STMND1: variants seen among roughly 807,000 people sequenced by gnomAD.
STMND1 encodes stathmin domain containing 1.
A neutral mutation model predicts 23.0 loss-of-function variants in STMND1; 17 were observed. The ratio of observed to expected loss-of-function variants is 0.74; its 90% CI spans 0.51 to 1.11. The LOEUF (loss-of-function observed/expected upper bound fraction) is 1.11, where lower values mean the gene tolerates loss of function less well. Ranked by LOEUF, STMND1 falls within the 50% of genes least tolerant of loss-of-function variation. The probability of loss-of-function intolerance (pLI) is 0.00; values close to 1 mark genes in which losing one functional copy is unlikely to be tolerated. For synonymous variants in STMND1, 114 were observed against 119.9 expected, an observed-to-expected ratio of 0.95 and a Z score of 0.32; for missense variants, 305 against 329.1, an observed-to-expected ratio of 0.93 and a Z score of 0.57.
At chr6:17,130,181 A>G (rs1761368346) in intron 4 of STMND1, among the ~76,000 whole-genome samples, 1 of 152,192 alleles carries the variant, frequency 6.6e-6, no homozygotes, top group African/African-American at 2.4e-5. Context: ...TCATATGGAA[A>G]AAGAGAAACT....
chr6:17,121,213 C>G (rs1761229665), intron 3 of STMND1, among the ~76,000 whole-genome samples: 1 of 152,190 alleles, frequency 6.6e-6, no homozygotes, highest in African/African-American at 2.4e-5. Flanking sequence ...TCAATTAAAC[C>G]TCTTTTCTTT....
chr6:17,115,777 C>G (rs1561923530), intron 2 of STMND1, among the ~76,000 whole-genome samples: 1 of 152,266 alleles, frequency 6.6e-6, no homozygotes, highest in South Asian at 2.1e-4. Flanking sequence ...GAAAAGTACT[C>G]TTTTTATTTC....
chr6:17,126,098 T>TTTTTTTTTTTTTA (rs1443287007), intron 3 of STMND1, among the ~76,000 whole-genome samples: 1 of 116,946 alleles, frequency 8.6e-6, no homozygotes, highest in African/African-American at 3.4e-5. Flanking sequence ...TTTTTTTTTT[T>TTTTTTTTTTTTTA]AAAGAGACAG....
intron 3 of STMND1, among the ~76,000 whole-genome samples, chr6:17,125,990 G>A (rs1481616994): frequency 1.7e-5 from 2 of 115,674 alleles, no homozygotes; most frequent in African/African-American, 6.8e-5. Flanking sequence ...ATGTGTTGTT[G>A]TTTCCACTGG....
Position 17,115,372 on chromosome 6 carries a change from T to TAAA in STMND1, c.259+253_259+255dup, listed in dbSNP as rs75171969. On this transcript the variant is annotated intron_variant, in intron 2 of 4. Coordinates refer to ENST00000536551, the MANE Select transcript of STMND1 (RefSeq NM_001190766.2). ...TCAATGAAGTAATTAGGACCATCTT[T>TAAA]AAAAAAAAAAAAAAAAAAAAAAGAA... Among the ~76,000 whole-genome samples, 286 of 116,084 alleles carry TAAA rather than the reference T, an allele frequency of 2.5e-3. 3 individuals carry two copies. Among genetic ancestry groups the TAAA allele is most frequent in the African/African-American group, 8.3e-3 (255 of 30,706 alleles). The allele number at this position is 116,084 out of a possible 152,430, so 76.2% of individuals were successfully genotyped here.
At chr6:17,120,277 T>G (rs1280238155) in intron 2 of STMND1, among the ~76,000 whole-genome samples, 1 of 152,218 alleles carries the variant, frequency 6.6e-6, no homozygotes, top group Non-Finnish European at 1.5e-5. Flanking sequence ...AGCTTCATAA[T>G]TGGTCGAGCA....
At chr6:17,116,492 T>A (rs1761161618) in intron 2 of STMND1, among the ~76,000 whole-genome samples, 1 of 151,928 alleles carries the variant, frequency 6.6e-6, no homozygotes, top group African/African-American at 2.4e-5. Context: ...CAGGCTGGAG[T>A]GCAATGGTGC....
At chr6:17,113,625 T>C (rs1417324887) in intron 1 of STMND1, among the ~76,000 whole-genome samples, 1 of 150,600 alleles carries the variant, frequency 6.6e-6, no homozygotes, top group Non-Finnish European at 1.5e-5. Context: ...TTACAATAAG[T>C]CTGCATCACT....
intron 4 of STMND1, among the ~76,000 whole-genome samples, chr6:17,130,074 A>T (rs1561926685): frequency 6.6e-6 from 1 of 152,170 alleles, no homozygotes; most frequent in Non-Finnish European, 1.5e-5. Context: ...TCTGTTGTAA[A>T]GGAATAAAGC....
At chr6:17,112,758 C>G (rs1458500018) in intron 1 of STMND1, among the ~76,000 whole-genome samples, 2 of 151,970 alleles carry the variant, frequency 1.3e-5, no homozygotes, top group Middle Eastern at 3.4e-3. Flanking sequence ...GCCTGGGCGA[C>G]AGAGGGAGAC....
chr6:17,112,804 G>A (rs1443071813), intron 1 of STMND1, among the ~76,000 whole-genome samples: 1 of 152,036 alleles, frequency 6.6e-6, no homozygotes, highest in Non-Finnish European at 1.5e-5. Flanking sequence ...AGAAATTTCT[G>A]GGTCACATGG....
chr6:17,115,883 C>A (rs765338100), intron 2 of STMND1, among the ~76,000 whole-genome samples: 1 of 152,168 alleles, frequency 6.6e-6, no homozygotes, highest in Non-Finnish European at 1.5e-5. Context: ...GATTCTATTT[C>A]TTGAACTTTC....
chr6:17,124,517 G>C (rs115411885), intron 3 of STMND1, among the ~76,000 whole-genome samples: 1 of 152,170 alleles, frequency 6.6e-6, no homozygotes, highest in Non-Finnish European at 1.5e-5. Flanking sequence ...CCGAATCGGG[G>C]GCATCCCCCA....
At chr6:17,124,335 C>G (rs1761268606) in intron 3 of STMND1, among the ~76,000 whole-genome samples, 1 of 152,198 alleles carries the variant, frequency 6.6e-6, no homozygotes, top group Non-Finnish European at 1.5e-5. Flanking sequence ...AAAAATAAGA[C>G]TTCTTATGTG....
chr6:17,106,557 C>T (rs1163961326), intron 1 of STMND1, among the ~76,000 whole-genome samples: 1 of 152,090 alleles, frequency 6.6e-6, no homozygotes, highest in Non-Finnish European at 1.5e-5. Flanking sequence ...GACTGAGAGT[C>T]GACCTTCTTT....
At chr6:17,117,102 CTT>C in intron 2 of STMND1, among the ~76,000 whole-genome samples, 1 of 151,864 alleles carries the variant, frequency 6.6e-6, no homozygotes, top group African/African-American at 2.4e-5. Flanking sequence ...GAGTTTTTCT[CTT>C]GTTGCCCAGG....
intron 1 of STMND1, among the ~76,000 whole-genome samples, chr6:17,109,156 G>T (rs956977689): frequency 1.3e-5 from 2 of 152,142 alleles, no homozygotes; most frequent in Non-Finnish European, 2.9e-5. Context: ...GCACATCGTT[G>T]CTTTTAGGCT....
chr6:17,120,587 C>A lies in STMND1; in HGVS notation c.260-20C>A. On this transcript the variant is annotated intron_variant, in intron 2 of 4. Coordinates refer to ENST00000536551, the MANE Select transcript of STMND1 (RefSeq NM_001190766.2). ...ATTCTTAAATTTTGCTTTCTTTTTT[C>A]TTTTCTTCTTTTTTGGAAGACCTAG... is the stretch of plus-strand genomic sequence containing the variant. The A allele has an allele frequency of 6.9e-7, 1 of 1,453,600 alleles. No individual in the cohort carries two copies. 90.0% of individuals were successfully genotyped at this position (1,453,600 alleles called of 1,614,324 possible). A position where few individuals can be genotyped will look rare whatever the true frequency, so the allele number is the denominator to read the frequency against.
intron 3 of STMND1, chr6:17,127,962 C>CATATATATGTGCGTATATAT (rs57781183): frequency 1.3e-5 from 2 of 151,512 alleles, no homozygotes; most frequent in African/African-American, 4.9e-5. Context: ...ATATCCTTAA[C>CATATATATGTGCGTATATAT]ATATATATGT....
Sources: gnomAD v4.1 joint callset for allele counts (sites outside exome capture counted in the v4.1 genomes callset) on GRCh38, gnomAD v4.1.1 for gene constraint, MANE v1.5 for transcripts, NCBI Gene and HGNC (gene_info 2026-07-23, HGNC 2026-07-21) for gene names.